NRXN3: variants seen among roughly 807,000 people sequenced by gnomAD.
NRXN3 encodes neurexin III.
A neutral mutation model predicts 137.6 loss-of-function variants in NRXN3; 32 were observed. The observed-to-expected ratio is 0.23, with a 90% CI of 0.18 to 0.31. The LOEUF (loss-of-function observed/expected upper bound fraction) is 0.31, where lower values mean the gene tolerates loss of function less well. Ranked by LOEUF, NRXN3 falls within the 10% of genes least tolerant of loss-of-function variation. The probability of loss-of-function intolerance (pLI) is 1.00; values close to 1 mark genes in which losing one functional copy is unlikely to be tolerated. For synonymous variants in NRXN3, 798 were observed against 784.5 expected (o/e 1.02, Z -0.29); for missense variants, 1,574 against 2,062.5 (o/e 0.76, Z 4.59).
Position 79,823,258 on chromosome 14 carries a change from A to G in NRXN3, c.4093+18068A>G, listed in dbSNP as rs1036695748. ...CTAAATATTGAAAATATTACACTAA[A>G]TTTAGCCTAATAAAAATTCATGCCA... On this transcript the variant is annotated intron_variant, in intron 20 of 20. Coordinates refer to ENST00000335750, the MANE Select transcript of NRXN3 (RefSeq NM_001330195.2). Among the ~76,000 whole-genome samples, 8 of 152,304 alleles carry G rather than the reference A, an allele frequency of 5.3e-5. No individual in the cohort carries two copies. In the East Asian group the frequency reaches 9.6e-4, roughly 18 times the overall value.
rs114492010 is a variant in NRXN3 at position 79,065,804 on chromosome 14, T to G, written c.3262+77663T>G. On this transcript the variant is annotated intron_variant, in intron 15 of 20. Transcript: ENST00000335750. ...TGTCCAAATTTACCTTCCTTTATTT[T>G]TACAATTTTTATTTTAAGTTCAGGG... 5.6e-3 allele frequency among the ~76,000 whole-genome samples: 845 copies of G among 152,250 alleles called. 7 individuals carry two copies. The highest frequency in any genetic ancestry group is 0.019 in the African/African-American group (802 of 41,562).
In NRXN3 at chr14:78,645,268, G is replaced by T. The variant is rs753641658; in HGVS notation, c.906G>T (p.Ser302=). 1.9e-6 allele frequency: 3 copies of T among 1,598,698 alleles called. No homozygotes were observed. The African/African-American group carries it at 4.0e-5, about 21-fold the overall frequency. ...RNGLILHTGK[S]ADYVNLALKD... is the part of the protein sequence containing the mutation. ...GCCTCATCCTGCACACGGGCAAGTC[G>T]GCTGACTATGTCAACCTGGCTCTGA... Residue 302 remains serine, a synonymous_variant, in exon 5 of 21, where the codon TCG becomes TCT. Transcript: ENST00000335750.
intron 15 of NRXN3, among the ~76,000 whole-genome samples, chr14:79,318,718 A>G (rs1002892014): frequency 3.3e-5 from 5 of 152,166 alleles, no homozygotes; most frequent in African/African-American, 1.2e-4. Flanking sequence ...TTTCTATGGA[A>G]CATTCTTTGG....
chr14:79,077,549 G>A (rs1315008270), intron 15 of NRXN3, among the ~76,000 whole-genome samples: 4 of 151,958 alleles, frequency 2.6e-5, no homozygotes, highest in Non-Finnish European at 5.9e-5. Context: ...TTCCACATGG[G>A]CCATTTGAAA....
chr14:79,168,386 A>G (rs2061477397), intron 15 of NRXN3, among the ~76,000 whole-genome samples: 3 of 152,092 alleles, frequency 2.0e-5, no homozygotes, highest in Admixed American at 1.3e-4. Context: ...GAAAAAATAG[A>G]TAGTATAGGG....
chr14:79,373,744 A>G (rs2094180624), intron 15 of NRXN3, among the ~76,000 whole-genome samples: 1 of 152,206 alleles, frequency 6.6e-6, no homozygotes, highest in African/African-American at 2.4e-5. Context: ...TTGCCAGGAT[A>G]TACTCGAAAA....
intron 16 of NRXN3, among the ~76,000 whole-genome samples, chr14:79,534,887 C>T (rs566846338): frequency 2.0e-5 from 3 of 152,232 alleles, no homozygotes; most frequent in East Asian, 1.9e-4. Context: ...CAAGTTGCTG[C>T]GCATGCGTCA....
intron 10 of NRXN3, among the ~76,000 whole-genome samples, chr14:78,898,707 A>C (rs2099186153): frequency 6.6e-6 from 1 of 151,730 alleles, no homozygotes; most frequent in Admixed American, 6.6e-5. Flanking sequence ...TACTTTGCCC[A>C]TCTATCTTTT....
At chr14:79,068,161 A>G (rs1317568146) in intron 15 of NRXN3, among the ~76,000 whole-genome samples, 1 of 152,028 alleles carries the variant, frequency 6.6e-6, no homozygotes, top group Non-Finnish European at 1.5e-5. Flanking sequence ...TCTAGTTTTT[A>G]TGTTCGATTC....
At position 79,358,183 on chromosome 14, in the gene NRXN3, C is replaced by T. The variant is rs188201004; in HGVS notation, c.3263-109038C>T. 7.8e-4 allele frequency among the ~76,000 whole-genome samples: 119 copies of T among 152,258 alleles called. 1 individual carries two copies. Among genetic ancestry groups the T allele is most frequent in the Non-Finnish European group, 7.5e-4 (51 of 68,026 alleles). Reference sequence around the variant, plus strand: ...GCAGGCTAAGCCTTGGTATTTCCTTCAGATTACACCAAAACCAAAATAATG... The same window carrying T: ...GCAGGCTAAGCCTTGGTATTTCCTTTAGATTACACCAAAACCAAAATAATG... On this transcript the variant is annotated intron_variant, in intron 15 of 20. Coordinates refer to ENST00000335750, the MANE Select transcript of NRXN3 (RefSeq NM_001330195.2).
At chr14:79,505,806 T>C (rs1247954789) in intron 16 of NRXN3, among the ~76,000 whole-genome samples, 1 of 152,236 alleles carries the variant, frequency 6.6e-6, no homozygotes, top group Non-Finnish European at 1.5e-5. Context: ...TTTTGATTGC[T>C]ATGTAACAAA....
At chr14:78,562,711 T>C (rs866085590) in intron 4 of NRXN3, among the ~76,000 whole-genome samples, 2 of 152,312 alleles carry the variant, frequency 1.3e-5, no homozygotes, top group South Asian at 2.1e-4. Context: ...AACCACTCAA[T>C]TGACCCCAGC....
intron 15 of NRXN3, among the ~76,000 whole-genome samples, chr14:79,359,152 A>C (rs529196533): frequency 2.6e-5 from 4 of 152,236 alleles, no homozygotes; most frequent in South Asian, 2.1e-4. Flanking sequence ...CCACCTTCCA[A>C]GTATTTTGGT....
intron 10 of NRXN3, among the ~76,000 whole-genome samples, chr14:78,840,392 G>T (rs953038254): frequency 1.2e-4 from 19 of 152,106 alleles, no homozygotes; most frequent in African/African-American, 4.3e-4. Flanking sequence ...AAAGAGATTG[G>T]ATCAATATAT....
At chr14:78,290,658 G>A (rs2075718701) in intron 3 of NRXN3, among the ~76,000 whole-genome samples, 1 of 152,100 alleles carries the variant, frequency 6.6e-6, no homozygotes, top group South Asian at 2.1e-4. Context: ...GGGGGACTTA[G>A]GTAGAAGGTT....
chr14:79,482,261 A>G (rs536911319), intron 16 of NRXN3, among the ~76,000 whole-genome samples: 13 of 152,194 alleles, frequency 8.5e-5, no homozygotes, highest in Non-Finnish European at 1.8e-4. Context: ...ACCAAGGTCA[A>G]AGAAGTTTGG....
chr14:78,477,708 G>A (rs533077012), intron 4 of NRXN3, among the ~76,000 whole-genome samples: 1 of 152,212 alleles, frequency 6.6e-6, no homozygotes, highest in African/African-American at 2.4e-5. Context: ...AAAAATGTTT[G>A]AATATATCTG....
At chr14:79,227,474 A>G (rs1278405692) in intron 15 of NRXN3, among the ~76,000 whole-genome samples, 1 of 152,120 alleles carries the variant, frequency 6.6e-6, no homozygotes, top group Non-Finnish European at 1.5e-5. Context: ...GCTATGACTC[A>G]ACTTTTTAAG....
chr14:79,211,098 A>G (rs1356608646), intron 15 of NRXN3, among the ~76,000 whole-genome samples: 1 of 152,152 alleles, frequency 6.6e-6, no homozygotes, highest in Non-Finnish European at 1.5e-5. Flanking sequence ...TGCAGTTGTC[A>G]ATGGTCCAGG....
Sources: allele counts gnomAD v4.1 joint callset (sites outside exome capture counted in the v4.1 genomes callset), GRCh38; gene constraint gnomAD v4.1.1; transcripts MANE v1.5; gene names NCBI Gene and HGNC (gene_info 2026-07-23, HGNC 2026-07-21).